TNFAIP8L3: variants seen among roughly 807,000 people sequenced by gnomAD.
TNFAIP8L3 encodes TNF alpha induced protein 8 like 3.
A neutral mutation model predicts 11.8 loss-of-function variants in TNFAIP8L3; 7 were observed. That is an observed-to-expected ratio of 0.59 (90% confidence interval 0.34 to 1.11). The LOEUF (loss-of-function observed/expected upper bound fraction) is 1.11. Ranked by LOEUF, TNFAIP8L3 falls within the 50% of genes most tolerant of loss-of-function variation. The pLI is 0.03. For synonymous variants in TNFAIP8L3, 98 were observed against 103.8 expected (o/e 0.94, Z 0.34); for missense variants, 219 against 258.6 (o/e 0.85, Z 1.05).
intron 1 of TNFAIP8L3, among the ~76,000 whole-genome samples, chr15:51,073,855 G>A (rs570804214): frequency 1.3e-5 from 2 of 152,184 alleles, no homozygotes; most frequent in Admixed American, 6.5e-5. Context: ...ATTTTGCTAA[G>A]GCATTGTTTG....
Position 51,100,341 on chromosome 15 carries a change from A to G in TNFAIP8L3, c.172+4664T>C, listed in dbSNP as rs141699695. ...TGAGTTACCTAGGAAGGAGGTATCCAGTGGAGTGACACAGAGCTCTGCCCT... is the reference window on the plus strand; with the variant it reads ...TGAGTTACCTAGGAAGGAGGTATCCGGTGGAGTGACACAGAGCTCTGCCCT... On this transcript the variant is annotated intron_variant, in intron 1 of 2. Transcript: ENST00000327536. Among the ~76,000 whole-genome samples the G allele has an allele frequency of 1.2e-4, 18 of 152,010 alleles. No homozygotes were observed. In the East Asian group the frequency reaches 2.1e-3, roughly 18 times the overall value.
At chr15:51,091,877 T>C (rs1482537248) in intron 1 of TNFAIP8L3, among the ~76,000 whole-genome samples, 2 of 152,224 alleles carry the variant, frequency 1.3e-5, no homozygotes, top group African/African-American at 4.8e-5. Flanking sequence ...TTTAGCAGTA[T>C]TCTTACAACA....
At chr15:51,071,203 C>T (rs2065307307) in intron 1 of TNFAIP8L3, among the ~76,000 whole-genome samples, 1 of 151,752 alleles carries the variant, frequency 6.6e-6, no homozygotes, top group South Asian at 2.1e-4. Flanking sequence ...TAGCCACCAC[C>T]CAGATGGAAC....
intron 1 of TNFAIP8L3, among the ~76,000 whole-genome samples, chr15:51,064,415 C>A (rs1480439165): frequency 1.3e-5 from 2 of 152,064 alleles, no homozygotes; most frequent in Non-Finnish European, 2.9e-5. Flanking sequence ...AGTAAAGATA[C>A]CTGCATAGTT....
At chr15:51,100,771 A>G (rs1348096446) in intron 1 of TNFAIP8L3, among the ~76,000 whole-genome samples, 1 of 152,048 alleles carries the variant, frequency 6.6e-6, no homozygotes, top group Admixed American at 6.5e-5. Flanking sequence ...GAAGGAAAAA[A>G]AACAAACAAA....
At chr15:51,068,677 T>G (rs2065288262) in intron 1 of TNFAIP8L3, among the ~76,000 whole-genome samples, 1 of 148,826 alleles carries the variant, frequency 6.7e-6, no homozygotes, top group African/African-American at 2.5e-5. Flanking sequence ...TTTTTTTTTT[T>G]TTTTTGCAAG....
chr15:51,074,478 A>AG (rs1446532091), intron 1 of TNFAIP8L3, among the ~76,000 whole-genome samples: 3 of 152,234 alleles, frequency 2.0e-5, no homozygotes, highest in Admixed American at 2.0e-4. Flanking sequence ...GGCACATGGT[A>AG]GGATTCCCTT....
At position 51,057,687 on chromosome 15, in the gene TNFAIP8L3, G is replaced by A. The variant is rs79491799; in HGVS notation, c.*194C>T. ...GCTTGCACACAGGTGATTTTAAGTA[G>A]AAACCTTGCTAGAAAGCTTGGAAGA... On this transcript the variant is annotated 3_prime_UTR_variant, in exon 2 of 2. Transcript: ENST00000637513. The A allele has an allele frequency of 4.4e-3, 2,476 of 559,564 alleles. 50 individuals carry two copies. Among genetic ancestry groups the A allele is most frequent in the African/African-American group, 0.042 (2,224 of 53,366 alleles). The allele number at this position is 559,564 out of a possible 1,614,324, so 34.7% of individuals were successfully genotyped here. A position where few individuals can be genotyped will look rare whatever the true frequency, so the allele number is the denominator to read the frequency against.
intron 1 of TNFAIP8L3, among the ~76,000 whole-genome samples, chr15:51,088,602 TG>T (rs1275544723): frequency 2.6e-5 from 4 of 152,202 alleles, no homozygotes; most frequent in Non-Finnish European, 5.9e-5. Context: ...CTGTGTGGAT[TG>T]AACAGTTGGA....
upstream of TNFAIP8L3, among the ~76,000 whole-genome samples, chr15:51,099,690 T>C (rs1368415680): frequency 6.6e-6 from 1 of 152,214 alleles, no homozygotes; most frequent in African/African-American, 2.4e-5. Flanking sequence ...ACACAGCTTG[T>C]ATGTGGGTAC....
chr15:51,077,265 CA>C (rs1021907048), intron 1 of TNFAIP8L3, among the ~76,000 whole-genome samples: 1 of 152,244 alleles, frequency 6.6e-6, no homozygotes, highest in Non-Finnish European at 1.5e-5. Flanking sequence ...GTGTTGGCCT[CA>C]GTGCCCACAG....
intron 1 of TNFAIP8L3, among the ~76,000 whole-genome samples, chr15:51,092,154 G>T (rs2065475939): frequency 6.6e-6 from 1 of 152,160 alleles, no homozygotes; most frequent in Non-Finnish European, 1.5e-5. Context: ...ATAAATTCAG[G>T]AAATGGAAAG....
Position 51,076,081 on chromosome 15 carries a change from C to T in TNFAIP8L3, c.53-17638G>A, listed in dbSNP as rs12324917. On this transcript the variant is annotated intron_variant, in intron 1 of 1. Coordinates refer to ENST00000637513, the MANE Select transcript of TNFAIP8L3 (RefSeq NM_001311175.2). ...TTTTGGATTTCAGTCAATCTGAATG[C>T]GGAACAGCAGGAAAGGGACATGTAA... Among the ~76,000 whole-genome samples, 579 of 152,108 alleles carry T rather than the reference C, an allele frequency of 3.8e-3. 1 individual carries two copies. The highest frequency in any genetic ancestry group is 6.8e-3 in the Middle Eastern group (2 of 294).
chr15:51,097,912 GTATATTTT>G (rs1413306203), upstream of TNFAIP8L3, among the ~76,000 whole-genome samples: 1 of 152,112 alleles, frequency 6.6e-6, no homozygotes, highest in Non-Finnish European at 1.5e-5. Context: ...TAGTTCCTCT[GTATATTTT>G]TAGAAAAATG....
At chr15:51,082,548 T>A (rs2065399765) in intron 1 of TNFAIP8L3, among the ~76,000 whole-genome samples, 1 of 152,152 alleles carries the variant, frequency 6.6e-6, no homozygotes, top group African/African-American at 2.4e-5. Flanking sequence ...TAAAAAACAT[T>A]TTTCTTTCTT....
intron 1 of TNFAIP8L3, among the ~76,000 whole-genome samples, chr15:51,062,528 G>T (rs1184477741): frequency 5.3e-5 from 8 of 152,160 alleles, no homozygotes; most frequent in Admixed American, 1.3e-4. Flanking sequence ...ATCTATAACT[G>T]AGTTCCCTCA....
rs2065331275 is a variant in TNFAIP8L3 at position 51,073,926 on chromosome 15, C to T, written c.53-15483G>A. Among the ~76,000 whole-genome samples, 3 of 152,224 alleles carry T rather than the reference C, an allele frequency of 2.0e-5. No individual in the cohort carries two copies. The South Asian group carries it at 6.2e-4, about 32-fold the overall frequency. ...ATTTCTTTGTATCCACTGAGATGAT[C>T]ATATAATTTATCTTATAATATGTAA... On this transcript the variant is annotated intron_variant, in intron 1 of 1. Coordinates refer to ENST00000637513, the MANE Select transcript of TNFAIP8L3 (RefSeq NM_001311175.2).
chr15:51,101,774 A>G (rs893122762), intron 1 of TNFAIP8L3, among the ~76,000 whole-genome samples: 5 of 150,110 alleles, frequency 3.3e-5, no homozygotes, highest in Admixed American at 6.6e-5. Context: ...GTGAAACCCC[A>G]TCTCTACTGA....
chr15:51,068,826 C>G (rs1306987992), intron 1 of TNFAIP8L3, among the ~76,000 whole-genome samples: 1 of 151,994 alleles, frequency 6.6e-6, no homozygotes, highest in African/African-American at 2.4e-5. Context: ...CGCCACCACG[C>G]CTGGCTAATT....
Sources: gnomAD v4.1 joint callset for allele counts (sites outside exome capture counted in the v4.1 genomes callset) on GRCh38, gnomAD v4.1.1 for gene constraint, MANE v1.5 for transcripts, NCBI Gene and HGNC (gene_info 2026-07-23, HGNC 2026-07-21) for gene names.